CEP89: variants seen among roughly 807,000 people sequenced by gnomAD.
CEP89 encodes the protein centrosomal protein 89.
CEP89 carries 95 observed loss-of-function variants against 97.6 expected under a neutral mutation model. The ratio of observed to expected loss-of-function variants is 0.97; its 90% CI spans 0.82 to 1.15. The LOEUF (loss-of-function observed/expected upper bound fraction) is 1.15, where lower values mean the gene tolerates loss of function less well. CEP89 is among the 50% of genes most tolerant of loss of function. The pLI, the probability that CEP89 is intolerant of heterozygous loss-of-function variation, is 0.00. For synonymous variants in CEP89, 354 were observed against 349.1 expected, an observed-to-expected ratio of 1.01 and a Z score of -0.16; for missense variants, 869 against 947.7, an observed-to-expected ratio of 0.92 and a Z score of 1.09.
chr19:32,943,525 C>T (rs4805019), intron 5 of CEP89, among the ~76,000 whole-genome samples: 16,295 of 151,716 alleles, frequency 0.11, 1,125 homozygotes, highest in East Asian at 0.28. Context: ...TGCGGGAAGC[C>T]GAGATGGGAG....
chr19:32,929,463 G>A (rs937987710), intron 9 of CEP89, among the ~76,000 whole-genome samples: 6 of 152,066 alleles, frequency 3.9e-5, no homozygotes, highest in South Asian at 2.1e-4. Flanking sequence ...TTAGCTGGGC[G>A]CAGTGGAACA....
intron 14 of CEP89, 85 bp from the exon 15 acceptor site, chr19:32,901,497 A>C: frequency 1.4e-6 from 2 of 1,394,552 alleles, no homozygotes; most frequent in Non-Finnish European, 2.0e-6. Context: ...ATGAGTGATA[A>C]CAGCCCAGCC....
intron 13 of CEP89, 82 bp from the exon 14 acceptor site, chr19:32,915,599 G>T: frequency 1.7e-6 from 2 of 1,208,410 alleles, no homozygotes; most frequent in Non-Finnish European, 2.4e-6. Context: ...AAATACTAAT[G>T]AGAGTCAGCT....
At chr19:32,965,573 G>A (rs769564705) in intron 2 of CEP89, among the ~76,000 whole-genome samples, 10 of 151,740 alleles carry the variant, frequency 6.6e-5, no homozygotes, top group Non-Finnish European at 1.5e-4. Context: ...GTACATGCCT[G>A]TAGTCCCAGC....
intron 17 of CEP89, among the ~76,000 whole-genome samples, chr19:32,882,610 G>C (rs1488428748): frequency 6.6e-6 from 1 of 151,210 alleles, no homozygotes; most frequent in Non-Finnish European, 1.5e-5. Context: ...GGATGTTCTT[G>C]CAAATTAATC....
rs192331605 is a variant in CEP89, at chr19:32,901,466, G to A, written c.1566-54C>T. 290 of 1,561,088 alleles carry A rather than the reference G, an allele frequency of 1.9e-4. 3 individuals are homozygous for A. The Admixed American group carries it at 5.4e-3, about 29-fold the overall frequency. On this transcript the variant is annotated intron_variant, in intron 14 of 18. Transcript: ENST00000305768. ...ATCCAGCACAATGAAGCTAAAATGG[G>A]GCAGTCACATAACGAGGAAGATGAG...
intron 9 of CEP89, among the ~76,000 whole-genome samples, chr19:32,928,320 T>C (rs573928888): frequency 2.0e-5 from 3 of 152,264 alleles, no homozygotes; most frequent in African/African-American, 4.8e-5. Context: ...GATTTTGTTA[T>C]CTTCCTTTAA....
chr19:32,887,553 T>C (rs1028559961), intron 17 of CEP89, among the ~76,000 whole-genome samples, 199 bp downstream of exon 17: 3 of 152,158 alleles, frequency 2.0e-5, no homozygotes, highest in Admixed American at 2.0e-4. Context: ...ATGCAGTATT[T>C]TATTGTGTGA....
intron 6 of CEP89, among the ~76,000 whole-genome samples, chr19:32,937,988 G>A (rs1206290589): frequency 6.8e-6 from 1 of 147,458 alleles, no homozygotes; most frequent in African/African-American, 2.5e-5. Context: ...ATTACACATG[G>A]GCCATCACAC....
intron 16 of CEP89, among the ~76,000 whole-genome samples, chr19:32,898,408 G>T (rs1043389596): frequency 2.0e-5 from 3 of 152,136 alleles, no homozygotes; most frequent in Non-Finnish European, 4.4e-5. Context: ...TTTGTGGGGG[G>T]CTGGGGGGCA....
intron 1 of CEP89, 91 bp from the exon 2 acceptor site, chr19:32,966,557 A>C: frequency 1.6e-6 from 1 of 642,670 alleles, no homozygotes; most frequent in Non-Finnish European, 2.4e-6. Context: ...GCAAGGGGAC[A>C]CCTGCACTGG....
intron 17 of CEP89, among the ~76,000 whole-genome samples, chr19:32,882,360 C>T (rs1969302320): frequency 6.6e-6 from 1 of 152,026 alleles, no homozygotes; most frequent in South Asian, 2.1e-4. Flanking sequence ...GTCAGGAGTT[C>T]AAGACCAGCC....
rs771781611 is a variant in CEP89 at position 32,881,854 on chromosome 19, G to A, written c.2125C>T (p.Gln709Ter). The A allele has an allele frequency of 6.9e-6, 11 of 1,601,984 alleles. No individual in the cohort carries two copies. The highest frequency in any genetic ancestry group is 5.0e-5 in the Admixed American group (3 of 59,592). ...DKQEVLDQAL[Q>*]QNREMEGELE... ...GGGCGCATGCCCCACCTGTTCTGCT[G>A]CAGCGCCTGGTCCAGCACCTCCTGC... Residue 709 changes from glutamine to a stop codon, truncating the protein, a stop_gained, in exon 18 of 19, where the codon CAG becomes TAG. Transcript: ENST00000305768. LOFTEE classifies it low-confidence loss of function (END_TRUNC).
rs1340350191 is a variant in CEP89 at position 32,878,146 on chromosome 19, AG to A, written c.*1015del. 2 of 152,206 alleles carry A rather than the reference AG, an allele frequency of 1.3e-5. No individual in the cohort carries two copies. The highest frequency in any genetic ancestry group is 2.9e-5 in the Non-Finnish European group (2 of 68,078). 9.4% of individuals were successfully genotyped at this position (152,206 alleles called of 1,614,324 possible). ...TGTATACCTGTCATCTCACCTACTC[AG>A]GAGGCTGGGATGGGAGGATCGCTTG... On this transcript the variant is annotated 3_prime_UTR_variant, in exon 19 of 19. Coordinates refer to ENST00000305768, the MANE Select transcript of CEP89 (RefSeq NM_032816.5).
chr19:32,882,435 T>C (rs1178546190), intron 17 of CEP89, among the ~76,000 whole-genome samples: 1 of 151,962 alleles, frequency 6.6e-6, no homozygotes, highest in African/African-American at 2.4e-5. Context: ...TTGTAGTGCA[T>C]GCCTGTAGTC....
chr19:32,954,863 C>T (rs1971014524), intron 3 of CEP89, among the ~76,000 whole-genome samples: 1 of 143,332 alleles, frequency 7.0e-6, no homozygotes. Context: ...TGGGGTTTCA[C>T]CATGTTGGCC....
chr19:32,971,446 AG>A (rs1971406985), intron 1 of CEP89: 5 of 476,734 alleles, frequency 1.0e-5, no homozygotes, highest in Non-Finnish European at 1.9e-5. Context: ...TAGGAGGCTA[AG>A]GAGCTCAAGA....
chr19:32,945,828 C>T (rs181483132), intron 5 of CEP89, among the ~76,000 whole-genome samples: 1 of 152,246 alleles, frequency 6.6e-6, no homozygotes, highest in East Asian at 1.9e-4. Context: ...GGGTGGCCAG[C>T]AACATGCAGT....
At chr19:32,952,791 C>T (rs1236318713) in intron 4 of CEP89, among the ~76,000 whole-genome samples, 1 of 149,164 alleles carries the variant, frequency 6.7e-6, no homozygotes, top group African/African-American at 2.5e-5. Flanking sequence ...GTAGTCCCAG[C>T]TACTTGGGAG....
Sources: allele counts gnomAD v4.1 joint callset (sites outside exome capture counted in the v4.1 genomes callset), GRCh38; gene constraint gnomAD v4.1.1; transcripts MANE v1.5; gene names NCBI Gene and HGNC (gene_info 2026-07-23, HGNC 2026-07-21).